The following EPHA6 variants were observed in gnomAD, a reference collection of about 807,000 sequenced individuals.
EPHA6 encodes ephrin type-A receptor 6.
Under a neutral mutation model 112.0 loss-of-function variants are expected in EPHA6, and 50 were observed. The observed-to-expected ratio is 0.45, with a 90% CI of 0.36 to 0.56. The LOEUF (loss-of-function observed/expected upper bound fraction) is 0.56. Ranked by LOEUF, EPHA6 falls within the 20% of genes least tolerant of loss-of-function variation. The probability of loss-of-function intolerance (pLI) is 0.00; values close to 1 mark genes in which losing one functional copy is unlikely to be tolerated. For missense variants in EPHA6, 1,280 were observed against 1,417.4 expected (o/e 0.90, Z 1.56); for synonymous variants, 529 against 490.7 (o/e 1.08, Z -1.03).
chr3:96,988,118 A>AT, intron 3 of EPHA6, 125 bp downstream of exon 3: 16 of 656,908 alleles, frequency 2.4e-5, no homozygotes, highest in Non-Finnish European at 3.7e-5. Flanking sequence ...TGATACATAT[A>AT]ATGTATACTG....
At position 96,818,919 on chromosome 3, in the gene EPHA6, A is replaced by G. The variant is rs138274807; in HGVS notation, c.385+3911A>G. The stretch of plus-strand genomic sequence containing the variant: ...GACATAAGTATAAATACAACTTAGA[A>G]TATAATTTTATTATACATTTACAAT... On this transcript the variant is annotated intron_variant, in intron 1 of 17. Transcript: ENST00000389672. Among the ~76,000 whole-genome samples, 19 of 152,012 alleles carry G rather than the reference A, an allele frequency of 1.2e-4. No individual in the cohort carries two copies. The East Asian group carries it at 3.1e-3, about 25-fold the overall frequency.
At chr3:96,986,917 G>GT (rs1481615847) in intron 2 of EPHA6, among the ~76,000 whole-genome samples, 1 of 152,120 alleles carries the variant, frequency 6.6e-6, no homozygotes, top group Non-Finnish European at 1.5e-5. Flanking sequence ...CCCTAAGTGC[G>GT]TTTTTTATAT....
chr3:96,829,949 G>GCGCGCGCA (rs373416797), intron 1 of EPHA6, among the ~76,000 whole-genome samples: 15 of 136,032 alleles, frequency 1.1e-4, no homozygotes, highest in African/African-American at 3.9e-4. Flanking sequence ...GCGCGCGCGC[G>GCGCGCGCA]CACACACACA....
At chr3:97,018,664 C>T (rs1185982181) in intron 3 of EPHA6, among the ~76,000 whole-genome samples, 1 of 152,194 alleles carries the variant, frequency 6.6e-6, no homozygotes, top group Non-Finnish European at 1.5e-5. Context: ...CAGGATGGAA[C>T]ATGAAGGCGG....
intron 11 of EPHA6, among the ~76,000 whole-genome samples, chr3:97,563,422 G>A (rs1259090026): frequency 6.6e-6 from 1 of 152,168 alleles, no homozygotes; most frequent in Non-Finnish European, 1.5e-5. Flanking sequence ...AGCCAATAAG[G>A]AGCATTGCAG....
At chr3:97,559,953 T>G (rs1430858522) in intron 11 of EPHA6, among the ~76,000 whole-genome samples, 3 of 151,800 alleles carry the variant, frequency 2.0e-5, no homozygotes, top group South Asian at 2.1e-4. Flanking sequence ...GAAAACCCCT[T>G]TAAAAAATTC....
intron 3 of EPHA6, among the ~76,000 whole-genome samples, chr3:97,222,129 C>A (rs187150335): frequency 6.6e-6 from 1 of 152,014 alleles, no homozygotes; most frequent in East Asian, 1.9e-4. Context: ...TATTGAGGCC[C>A]ATCTCTGGCT....
intron 13 of EPHA6, among the ~76,000 whole-genome samples, chr3:97,620,550 G>A (rs556127909): frequency 2.0e-5 from 3 of 151,832 alleles, no homozygotes; most frequent in Admixed American, 2.0e-4. Flanking sequence ...GCATATATAA[G>A]GAACTTAAAC....
intron 2 of EPHA6, among the ~76,000 whole-genome samples, chr3:96,890,682 A>G (rs1054446523): frequency 1.3e-5 from 2 of 152,210 alleles, no homozygotes; most frequent in African/African-American, 2.4e-5. Context: ...TAAAATGTCA[A>G]TTTTCGAAGA....
At chr3:97,169,578 C>T (rs546135646) in intron 3 of EPHA6, among the ~76,000 whole-genome samples, 40 of 152,158 alleles carry the variant, frequency 2.6e-4, no homozygotes, top group African/African-American at 9.6e-4. Flanking sequence ...CTTCTACAGG[C>T]TCATTTTCTG....
At chr3:97,075,264 CTCAT>C (rs2046479810) in intron 3 of EPHA6, among the ~76,000 whole-genome samples, 1 of 151,854 alleles carries the variant, frequency 6.6e-6, no homozygotes, top group African/African-American at 2.4e-5. Context: ...GAATTTTTTA[CTCAT>C]TCAAAAATAA....
chr3:97,126,713 TG>T (rs2048190659), intron 3 of EPHA6, among the ~76,000 whole-genome samples: 2 of 106,390 alleles, frequency 1.9e-5, no homozygotes, highest in South Asian at 5.0e-4. Flanking sequence ...AGCCTTCACC[TG>T]TGTTAAAAAA....
chr3:97,244,572 T>C (rs1194342585), intron 5 of EPHA6: 1 of 396,362 alleles, frequency 2.5e-6, no homozygotes, highest in Non-Finnish European at 4.5e-6. Context: ...AGTAAGTCCA[T>C]ATTACTTACC....
intron 17 of EPHA6, 48 bp from the exon 18 acceptor site, chr3:97,748,535 CTCTT>C (rs2035808282): frequency 6.3e-6 from 5 of 794,178 alleles, no homozygotes; most frequent in South Asian, 4.4e-5. Context: ...CTCTCTCTCT[CTCTT>C]TCTTGCTCTC....
At chr3:97,378,128 C>T (rs990405604) in intron 5 of EPHA6, among the ~76,000 whole-genome samples, 4 of 152,130 alleles carry the variant, frequency 2.6e-5, no homozygotes, top group Non-Finnish European at 5.9e-5. Flanking sequence ...CCCAGGGTCC[C>T]CATTCTGTGT....
At chr3:97,570,952 A>C (rs1181820273) in intron 11 of EPHA6, among the ~76,000 whole-genome samples, 4 of 152,146 alleles carry the variant, frequency 2.6e-5, no homozygotes, top group Admixed American at 6.5e-5. Flanking sequence ...AGAATGTAGC[A>C]ATAGGAAGTC....
intron 7 of EPHA6, among the ~76,000 whole-genome samples, chr3:97,457,109 G>C (rs573183979): frequency 6.6e-6 from 1 of 152,234 alleles, no homozygotes; most frequent in East Asian, 1.9e-4. Flanking sequence ...GAGAACTGTT[G>C]GAATGATTCT....
At chr3:97,096,315 ATATC>A (rs2047237484) in intron 3 of EPHA6, among the ~76,000 whole-genome samples, 1 of 151,684 alleles carries the variant, frequency 6.6e-6, no homozygotes, top group Non-Finnish European at 1.5e-5. Flanking sequence ...GTCTATATCT[ATATC>A]TATATAGTTG....
intron 1 of EPHA6, among the ~76,000 whole-genome samples, chr3:96,865,553 G>A (rs913618949): frequency 4.6e-5 from 7 of 151,706 alleles, no homozygotes; most frequent in South Asian, 2.1e-4. Flanking sequence ...ACAGTGGTGC[G>A]TGCCTGTAGT....
Sources: allele counts gnomAD v4.1 joint callset (sites outside exome capture counted in the v4.1 genomes callset), GRCh38; gene constraint gnomAD v4.1.1; transcripts MANE v1.5; gene names NCBI Gene and HGNC (gene_info 2026-07-23, HGNC 2026-07-21).